Variants in DSPP observed in about 807,000 individuals in gnomAD.
DSPP encodes deafness, autosomal dominant 39.
Under a neutral mutation model 29.1 loss-of-function variants are expected in DSPP, and 28 were observed. The observed-to-expected ratio is 0.96, with a 90% confidence interval of 0.71 to 1.32. The LOEUF (loss-of-function observed/expected upper bound fraction) is 1.32, where lower values mean the gene tolerates loss of function less well. DSPP is among the 40% of genes most tolerant of loss of function. The pLI is 0.00. For synonymous variants in DSPP, 481 were observed against 503.4 expected (o/e 0.96, Z 0.60); for missense variants, 1,281 against 1,629.9 (o/e 0.79, Z 3.69).
At chr4:87,613,688 C>A in intron 4 of DSPP, 97 bp from the exon 5 acceptor site, 1 of 1,549,774 alleles carries the variant, frequency 6.5e-7, no homozygotes, top group Non-Finnish European at 8.9e-7. Flanking sequence ...TAACTCCTAT[C>A]CCTATGGCAA....
In DSPP at chr4:87,615,278, C is replaced by G; in HGVS notation, c.2616C>G (p.Asp872Glu). The G allele has an allele frequency of 6.6e-7, 1 of 1,515,070 alleles. No individual in the cohort carries two copies. Among genetic ancestry groups the G allele is most frequent in the Non-Finnish European group, 8.8e-7 (1 of 1,130,756 alleles). The allele number at this position is 1,515,070 out of a possible 1,614,324, so 93.9% of individuals were successfully genotyped here. ...SNSSDSSDSS[D>E]SSNSSDSSDS... is the part of the protein sequence containing the mutation. Reference sequence around the variant, plus strand: ...GTAGTGACAGCAGCGATAGCAGTGACAGCAGCAACAGCAGTGACAGCAGTG... The same window carrying G: ...GTAGTGACAGCAGCGATAGCAGTGAGAGCAGCAACAGCAGTGACAGCAGTG... The change falls in exon 5 of 5, where the codon GAC (aspartate) becomes GAG (glutamate). Residue 872 changes from aspartate (D) to glutamate (E), a missense_variant. By Grantham distance (45) the Asp-to-Glu change is conservative. Around this residue, in one of 4 missense-constraint regions of DSPP, gnomAD observed 444 missense variants for 611.4 expected, o/e 0.73. Transcript: ENST00000651931.
At chr4:87,610,771 A>T in intron 1 of DSPP, 110 bp from the exon 2 acceptor site, 1 of 736,420 alleles carries the variant, frequency 1.4e-6, no homozygotes, top group Non-Finnish European at 2.4e-6. Flanking sequence ...CGTGTTAGAT[A>T]CATGCTTCTT....
Position 87,615,765 on chromosome 4 carries a change from G to T in DSPP, c.3103G>T (p.Asp1035Tyr), listed in dbSNP as rs199901845. The T allele has an allele frequency of 1.4e-6, 1 of 739,426 alleles. No homozygotes were observed. Among genetic ancestry groups the T allele is most frequent in the African/African-American group, 2.3e-5 (1 of 43,276 alleles). 45.8% of individuals were successfully genotyped at this position (739,426 alleles called of 1,614,324 possible). Reference protein sequence around the residue: ...SDSSNSSDSSDSSDSSDSSDS... With the variant: ...SDSSNSSDSSYSSDSSDSSDS... ...CAGCAGCAACAGCAGTGACAGCAGC[G>T]ATAGCAGTGACAGCAGCGATAGCAG... is the stretch of plus-strand genomic sequence containing the variant. The change falls in exon 5 of 5, where the codon GAT (aspartate) becomes TAT (tyrosine). Residue 1035 changes from aspartate (D) to tyrosine (Y), a missense_variant. Asp to Tyr is a radical substitution (Grantham distance 160). Transcript: ENST00000651931.
rs753414451 is a variant in DSPP at position 87,613,324 on chromosome 4, T to C, written c.1122+16T>C. ...CCAAGATAAGGTTAGTTTGTAAAGCTGATTTCTTTCAATGGCAGTTTAAAT... is the reference window on the plus strand; with the variant it reads ...CCAAGATAAGGTTAGTTTGTAAAGCCGATTTCTTTCAATGGCAGTTTAAAT... On this transcript the variant is annotated intron_variant, in intron 4 of 4. Transcript: ENST00000651931. The C allele has an allele frequency of 4.3e-6, 7 of 1,612,776 alleles. No homozygotes were observed. The African/African-American group carries it at 5.3e-5, about 12-fold the overall frequency.
chr4:87,610,671 A>C (rs1237962090), intron 1 of DSPP, among the ~76,000 whole-genome samples: 3 of 152,192 alleles, frequency 2.0e-5, no homozygotes, highest in African/African-American at 7.2e-5. Context: ...TGGCACAGGC[A>C]GAAAAAAATC....
intron 4 of DSPP, among the ~76,000 whole-genome samples, 188 bp downstream of exon 4, chr4:87,613,496 C>A (rs925773974): frequency 2.0e-5 from 3 of 152,200 alleles, no homozygotes; most frequent in African/African-American, 7.2e-5. Flanking sequence ...TCTTACATTT[C>A]TGATAACTTA....
In DSPP at chr4:87,614,451, G is replaced by A. The variant is rs1305021856; in HGVS notation, c.1789G>A (p.Asp597Asn). ...TGATAGCAGTGACAGTGATAGTAGTGATAGCAGCAATAGCAGTGACAGTAG... is the reference window on the plus strand; with the variant it reads ...TGATAGCAGTGACAGTGATAGTAGTAATAGCAGCAATAGCAGTGACAGTAG... ...SSDSSDSDSS[D>N]SSNSSDSSDS... Residue 597 changes from aspartate (D) to asparagine (N), a missense_variant, in exon 5 of 5, where the codon GAT becomes AAT. Physicochemically the swap from Asp to Asn is conservative, Grantham distance 23. Coordinates refer to ENST00000651931, the MANE Select transcript of DSPP (RefSeq NM_014208.3). 3.9e-6 allele frequency: 6 copies of A among 1,552,046 alleles called. No homozygotes were observed. Among genetic ancestry groups the A allele is most frequent in the Non-Finnish European group, 5.2e-6 (6 of 1,147,594 alleles).
chr4:87,612,546 T>G lies in DSPP; in HGVS notation c.360T>G (p.Gly120=), dbSNP rs2109995552. The change falls in exon 4 of 5, where the codon GGT becomes GGG. Residue 120 remains glycine, a synonymous_variant. Transcript: ENST00000651931. ...NGDTGKAETY[G]HDGIHGKEEN... ...ACACAGGAAAAGCAGAAACATATGGTCATGATGGAATACATGGGAAAGAAG... is the reference window on the plus strand; with the variant it reads ...ACACAGGAAAAGCAGAAACATATGGGCATGATGGAATACATGGGAAAGAAG... 6.2e-7 allele frequency: 1 copy of G among 1,614,036 alleles called. No homozygotes were observed. The highest frequency in any genetic ancestry group is 2.2e-5 in the East Asian group (1 of 44,874).
chr4:87,609,017 G>T (rs987697729), intron 1 of DSPP, among the ~76,000 whole-genome samples: 1 of 152,068 alleles, frequency 6.6e-6, no homozygotes. Context: ...ATTATTTATT[G>T]TCCCACATGA....
In DSPP at chr4:87,610,886, G is replaced by T. The variant is rs897312874; in HGVS notation, c.-23G>T. On this transcript the variant is annotated 5_prime_UTR_variant, in exon 2 of 5. Transcript: ENST00000651931. Reference sequence around the variant, plus strand: ...GCTGTTCCTTTTTTATACAGCCATTGATTATTATTATTCCTAAAGAAAATG... The same window carrying T: ...GCTGTTCCTTTTTTATACAGCCATTTATTATTATTATTCCTAAAGAAAATG... The T allele has an allele frequency of 6.3e-7, 1 of 1,599,702 alleles. No homozygotes were observed.
intron 2 of DSPP, 55 bp downstream of exon 2, chr4:87,611,014 CATT>C: frequency 7.0e-7 from 1 of 1,431,278 alleles, no homozygotes; most frequent in East Asian, 2.3e-5. Context: ...TTTAACCTAA[CATT>C]AATACAAAAT....
At position 87,610,250 on chromosome 4, in the gene DSPP, A is replaced by AG. The variant is rs142128566; in HGVS notation, c.-28-628dup. The stretch of plus-strand genomic sequence containing the variant: ...AATACCCTTTGAAGTGGCGTCAGAG[A>AG]GGGCTTCTCAGAGATAATTCTACCA... On this transcript the variant is annotated intron_variant, in intron 1 of 4. Coordinates refer to ENST00000651931, the MANE Select transcript of DSPP (RefSeq NM_014208.3). 6.5e-3 allele frequency among the ~76,000 whole-genome samples: 994 copies of AG among 152,300 alleles called. 11 individuals carry two copies. The highest frequency in any genetic ancestry group is 0.022 in the African/African-American group (911 of 41,546).
Position 87,614,999 on chromosome 4 carries a change from C to A in DSPP, c.2337C>A (p.Ser779Arg), listed in dbSNP as rs768473202. Residue 779 changes from serine to arginine, a missense_variant, in exon 5 of 5, where the codon AGC becomes AGA. Ser to Arg is a moderately radical substitution (Grantham distance 110). Around this residue, in one of 4 missense-constraint regions of DSPP, gnomAD observed 444 missense variants for 611.4 expected, o/e 0.73. Transcript: ENST00000651931. ...DSSDSSDSSDSSNSSDSNDSS... is the reference protein window; with the variant it reads ...DSSDSSDSSDRSNSSDSNDSS... ...GTGACAGCAGTGATAGTAGTGACAGCAGCAACAGCAGTGATAGCAACGACA... is the reference window on the plus strand; with the variant it reads ...GTGACAGCAGTGATAGTAGTGACAGAAGCAACAGCAGTGATAGCAACGACA... 3 of 1,550,816 alleles carry A rather than the reference C, an allele frequency of 1.9e-6. No homozygotes were observed. The South Asian group carries it at 3.6e-5, about 18-fold the overall frequency.
At chr4:87,611,640 A>G (rs1727736616) in intron 2 of DSPP, among the ~76,000 whole-genome samples, 1 of 152,228 alleles carries the variant, frequency 6.6e-6, no homozygotes, top group Admixed American at 6.5e-5. Flanking sequence ...GTGCTCTTGC[A>G]GAGCACAGAA....
intron 2 of DSPP, 124 bp from the exon 3 acceptor site, chr4:87,611,981 A>C (rs1727742001): frequency 1.8e-6 from 2 of 1,091,674 alleles, no homozygotes; most frequent in Non-Finnish European, 2.7e-6. Context: ...CTTTGTGTTA[A>C]ACCTTTCTTC....
rs1014923169 is a variant in DSPP at position 87,613,698 on chromosome 4, A to C, written c.1123-87A>C. ...AAATGTAACTCCTATCCCTATGGCA[A>C]CTTTTCCCAGTTATTCTTCCTCAGA... On this transcript the variant is annotated intron_variant, in intron 4 of 4. Transcript: ENST00000651931. 3.1e-6 allele frequency: 5 copies of C among 1,591,304 alleles called. No homozygotes were observed. In the Admixed American group the frequency reaches 5.1e-5, roughly 16 times the overall value.
Position 87,613,259 on chromosome 4 carries a change from G to C in DSPP, c.1073G>C (p.Arg358Thr), listed in dbSNP as rs201110163. ...AGAGAAAGCAAACGCGTAGAAAATA[G>C]AATCACCAAAGAATCAGAGACACAT... ...NHRESKRVEN[R>T]ITKESETHAV... is the part of the protein sequence containing the mutation. Residue 358 changes from arginine to threonine, a missense_variant, in exon 4 of 5, where the codon AGA (arginine) becomes ACA (threonine). Transcript: ENST00000651931. 10 of 1,613,750 alleles carry C rather than the reference G, an allele frequency of 6.2e-6. No homozygotes were observed. The highest frequency in any genetic ancestry group is 8.5e-6 in the Non-Finnish European group (10 of 1,180,010).
At chr4:87,613,659 C>T in intron 4 of DSPP, 126 bp from the exon 5 acceptor site, 1 of 1,332,394 alleles carries the variant, frequency 7.5e-7, no homozygotes. Context: ...TCACAAATAA[C>T]TGTGAAGTAC....
At chr4:87,610,550 G>A (rs1348924064) in intron 1 of DSPP, among the ~76,000 whole-genome samples, 3 of 152,184 alleles carry the variant, frequency 2.0e-5, no homozygotes, top group Non-Finnish European at 4.4e-5. Flanking sequence ...GAATTAGTTA[G>A]TACTTGATTA....
Sources: allele counts gnomAD v4.1 joint callset (sites outside exome capture counted in the v4.1 genomes callset), GRCh38; gene constraint gnomAD v4.1.1; regional missense constraint gnomAD v4.1.1; transcripts MANE v1.5; gene names NCBI Gene and HGNC (gene_info 2026-07-23, HGNC 2026-07-21).